CNTN5: variants seen among roughly 807,000 people sequenced by gnomAD.
CNTN5 encodes the protein contactin-5.
A neutral mutation model predicts 129.1 loss-of-function variants in CNTN5; 77 were observed. That is an observed-to-expected ratio of 0.60 (90% CI 0.50 to 0.72). The LOEUF (loss-of-function observed/expected upper bound fraction) is 0.72. Ranked by LOEUF, CNTN5 falls within the 30% of genes least tolerant of loss-of-function variation. The probability of loss-of-function intolerance (pLI) is 0.00; values close to 1 mark genes in which losing one functional copy is unlikely to be tolerated. For missense variants in CNTN5, 1,478 were observed against 1,328.8 expected (o/e 1.11, Z -1.75); for synonymous variants, 509 against 465.6 (o/e 1.09, Z -1.20).
chr11:99,994,158 C>T (rs7943623), intron 8 of CNTN5, among the ~76,000 whole-genome samples: 56,990 of 151,384 alleles, frequency 0.38, 12,151 homozygotes, highest in African/African-American at 0.59. Flanking sequence ...TTTTTAACGA[C>T]AATGGCAACA....
intron 2 of CNTN5, among the ~76,000 whole-genome samples, chr11:99,328,926 G>T (rs543581074): frequency 6.6e-6 from 1 of 150,922 alleles, no homozygotes; most frequent in South Asian, 2.1e-4. Flanking sequence ...ACCTAGTAAG[G>T]TGAAACTAAA....
intron 3 of CNTN5, among the ~76,000 whole-genome samples, chr11:99,784,663 C>T (rs146935420): frequency 3.9e-4 from 59 of 152,156 alleles, no homozygotes; most frequent in Middle Eastern, 3.4e-3. Flanking sequence ...TCTTCCGCAA[C>T]GGTTGAACTG....
chr11:99,209,140 A>C (rs1859636052), intron 1 of CNTN5, among the ~76,000 whole-genome samples: 1 of 151,762 alleles, frequency 6.6e-6, no homozygotes, highest in Non-Finnish European at 1.5e-5. Context: ...AAAATATCAA[A>C]ACTTTCCATC....
At chr11:99,612,555 CTT>C (rs1450111349) in intron 3 of CNTN5, among the ~76,000 whole-genome samples, 7 of 152,042 alleles carry the variant, frequency 4.6e-5, no homozygotes, top group African/African-American at 1.7e-4. Flanking sequence ...CTTCTTTAGT[CTT>C]TTTAAAAACT....
At chr11:99,417,051 T>C (rs1203225666) in intron 2 of CNTN5, among the ~76,000 whole-genome samples, 3 of 152,172 alleles carry the variant, frequency 2.0e-5, no homozygotes, top group Non-Finnish European at 4.4e-5. Flanking sequence ...CAAACGCAAA[T>C]TGACTTTAAA....
At chr11:99,747,102 A>T (rs1034692701) in intron 3 of CNTN5, among the ~76,000 whole-genome samples, 1 of 152,126 alleles carries the variant, frequency 6.6e-6, no homozygotes, top group African/African-American at 2.4e-5. Context: ...TCTTTCATCA[A>T]TGTATTGTAG....
At chr11:100,170,701 T>C (rs1045584393) in intron 13 of CNTN5, among the ~76,000 whole-genome samples, 2 of 151,874 alleles carry the variant, frequency 1.3e-5, no homozygotes, top group African/African-American at 4.8e-5. Context: ...TTCCATGCTG[T>C]CTATGGTGGA....
At chr11:99,918,322 T>C (rs1949846472) in intron 7 of CNTN5, among the ~76,000 whole-genome samples, 1 of 152,142 alleles carries the variant, frequency 6.6e-6, no homozygotes, top group Admixed American at 6.6e-5. Flanking sequence ...ATATTACTGT[T>C]AAACAATCCC....
chr11:99,675,412 G>A (rs967152960), intron 3 of CNTN5, among the ~76,000 whole-genome samples: 3 of 152,164 alleles, frequency 2.0e-5, no homozygotes, highest in Non-Finnish European at 4.4e-5. Flanking sequence ...GCTGGGTGCG[G>A]TGGCTCACAC....
chr11:99,159,330 G>C (rs952726958), intron 1 of CNTN5, among the ~76,000 whole-genome samples: 1 of 152,094 alleles, frequency 6.6e-6, no homozygotes, highest in African/African-American at 2.4e-5. Context: ...AATATTTAAA[G>C]TATAGTAATC....
intron 10 of CNTN5, among the ~76,000 whole-genome samples, chr11:100,062,310 G>A (rs916819771): frequency 1.3e-5 from 2 of 152,090 alleles, no homozygotes; most frequent in African/African-American, 4.8e-5. Flanking sequence ...AGTTCCAAAA[G>A]CTTAATGCCC....
intron 3 of CNTN5, among the ~76,000 whole-genome samples, chr11:99,812,245 G>C (rs1946450274): frequency 6.6e-6 from 1 of 152,008 alleles, no homozygotes; most frequent in African/African-American, 2.4e-5. Flanking sequence ...TTTAGAATTT[G>C]TTTTTGGGAA....
At chr11:99,384,098 T>C (rs1171149819) in intron 2 of CNTN5, among the ~76,000 whole-genome samples, 1 of 152,286 alleles carries the variant, frequency 6.6e-6, no homozygotes, top group Non-Finnish European at 1.5e-5. Flanking sequence ...TGAACAATGA[T>C]AGCACTGTTC....
At chr11:99,301,538 A>G (rs2135945680) in intron 1 of CNTN5, among the ~76,000 whole-genome samples, 1 of 151,964 alleles carries the variant, frequency 6.6e-6, no homozygotes, top group South Asian at 2.1e-4. Context: ...CATCAGGAAG[A>G]TATGATCATT....
At chr11:99,102,197 G>T (rs1383452577) in intron 1 of CNTN5, among the ~76,000 whole-genome samples, 1 of 152,076 alleles carries the variant, frequency 6.6e-6, no homozygotes, top group Non-Finnish European at 1.5e-5. Context: ...GCAGACAGCA[G>T]GGGGTTCTGG....
chr11:99,954,752 C>G (rs982175631), intron 7 of CNTN5, among the ~76,000 whole-genome samples: 1 of 152,142 alleles, frequency 6.6e-6, no homozygotes, highest in Non-Finnish European at 1.5e-5. Context: ...ATTTTTGGCA[C>G]TGGCAGAAAA....
At chr11:100,222,883 GC>G (rs948202064) in intron 15 of CNTN5, among the ~76,000 whole-genome samples, 1 of 151,930 alleles carries the variant, frequency 6.6e-6, no homozygotes, top group Non-Finnish European at 1.5e-5. Context: ...GCTAAAGTGG[GC>G]CCATCTTACC....
chr11:99,247,370 C>A (rs1861864830), intron 1 of CNTN5, among the ~76,000 whole-genome samples: 1 of 151,920 alleles, frequency 6.6e-6, no homozygotes. Flanking sequence ...TCTGATGTAC[C>A]ATATACACAG....
At chr11:99,822,773 A>G (rs1283649982) in intron 4 of CNTN5, among the ~76,000 whole-genome samples, 2 of 152,256 alleles carry the variant, frequency 1.3e-5, no homozygotes, top group African/African-American at 2.4e-5. Flanking sequence ...GGCATTTACA[A>G]TGTAATCTCT....
Sources: gnomAD v4.1 joint callset for allele counts (sites outside exome capture counted in the v4.1 genomes callset) on GRCh38, gnomAD v4.1.1 for gene constraint, MANE v1.5 for transcripts, NCBI Gene and HGNC (gene_info 2026-07-23, HGNC 2026-07-21) for gene names.